JARID2: variants seen among roughly 807,000 people sequenced by gnomAD.
JARID2 encodes jumonji and AT-rich interaction domain containing 2.
Under a neutral mutation model 125.6 loss-of-function variants are expected in JARID2, and 21 were observed. The ratio of observed to expected loss-of-function variants is 0.17; its 90% CI spans 0.12 to 0.24. The LOEUF (loss-of-function observed/expected upper bound fraction) is 0.24. Among genes scored for constraint, JARID2 ranks in the 10% least tolerant of loss-of-function variants. The pLI is 1.00. For missense variants in JARID2, 1,303 were observed against 1,639.6 expected, an observed-to-expected ratio of 0.79 and a Z score of 3.55; for synonymous variants, 736 against 661.6, an observed-to-expected ratio of 1.11 and a Z score of -1.73.
rs79589261 is a variant in JARID2, at chr6:15,457,231, G to T, written c.493+5056G>T. Among the ~76,000 whole-genome samples the T allele has an allele frequency of 7.2e-3, 1,097 of 152,276 alleles. 12 individuals carry two copies. Among genetic ancestry groups the T allele is most frequent in the African/African-American group, 0.025 (1,043 of 41,560 alleles). The stretch of plus-strand genomic sequence containing the variant: ...CTAATTCCTGATGCACATTTAGAGA[G>T]ATTTCCACCTTTTTGATATCCACTG... On this transcript the variant is annotated intron_variant, in intron 4 of 17. Transcript: ENST00000341776.
intron 1 of JARID2, among the ~76,000 whole-genome samples, chr6:15,270,017 T>A (rs1760236021): frequency 6.6e-6 from 1 of 152,226 alleles, no homozygotes; most frequent in African/African-American, 2.4e-5. Context: ...AAGGGTTGTA[T>A]ACAAAGGGAA....
At chr6:15,331,402 G>C (rs1216708514) in intron 1 of JARID2, among the ~76,000 whole-genome samples, 2 of 152,046 alleles carry the variant, frequency 1.3e-5, no homozygotes, top group African/African-American at 2.4e-5. Context: ...AAGGAAAACA[G>C]AAAGAGTGCC....
At chr6:15,287,734 G>C (rs1761056968) in intron 1 of JARID2, among the ~76,000 whole-genome samples, 1 of 152,152 alleles carries the variant, frequency 6.6e-6, no homozygotes, top group African/African-American at 2.4e-5. Context: ...CTTGGCCTTA[G>C]CTTCGGTGTC....
In JARID2 at chr6:15,512,192, G is replaced by C. The variant is rs1264755553; in HGVS notation, c.2953-16G>C. On this transcript the variant is annotated splice_polypyrimidine_tract_variant and intron_variant, in intron 13 of 17. Transcript: ENST00000341776. ...CGCACAGGGAGGGGTGCCTCAGCCT[G>C]GCCCTGTCTCCCCAGATCTCCCCGG... 16 of 1,610,620 alleles carry C rather than the reference G, an allele frequency of 9.9e-6. No individual in the cohort carries two copies. In the Admixed American group the frequency reaches 2.7e-4, roughly 27 times the overall value.
chr6:15,383,193 G>A (rs922039435), intron 2 of JARID2, among the ~76,000 whole-genome samples: 4 of 151,900 alleles, frequency 2.6e-5, no homozygotes, highest in African/African-American at 9.7e-5. Flanking sequence ...TTTGAAACAG[G>A]GTCTTGCATG....
chr6:15,465,383 C>T (rs1442732422), intron 4 of JARID2, among the ~76,000 whole-genome samples: 7 of 152,130 alleles, frequency 4.6e-5, no homozygotes, highest in Admixed American at 3.9e-4. Context: ...GCCAGGAGGT[C>T]GAGGCTGTAG....
rs775747422 is a variant in JARID2 at position 15,496,305 on chromosome 6, C to A, written c.1080C>A (p.Thr360=). 8.1e-6 allele frequency: 13 copies of A among 1,614,064 alleles called. No individual in the cohort carries two copies. The Admixed American group carries it at 1.3e-4, about 17-fold the overall frequency. Residue 360 remains threonine, a synonymous_variant, in exon 7 of 18, where the codon ACC becomes ACA. Transcript: ENST00000341776. ...CCAAGAGAGAACTGGTCAAGGACAC[C>A]AAACCCAATCACCACAAGCCCAGTT... ...TKAKRELVKD[T]KPNHHKPSSA... is the part of the protein sequence containing the mutation.
chr6:15,379,849 C>CAGACCTCCCATGCTTTCTGGATT (rs1176497347), intron 2 of JARID2, among the ~76,000 whole-genome samples: 1 of 152,190 alleles, frequency 6.6e-6, no homozygotes, highest in Non-Finnish European at 1.5e-5. Context: ...CCTTTTGGAT[C>CAGACCTCCCATGCTTTCTGGATT]AGACCTCCCA....
chr6:15,443,732 G>T lies in JARID2; in HGVS notation c.324-8274G>T, dbSNP rs1767544007. On this transcript the variant is annotated intron_variant, in intron 3 of 17. Coordinates refer to ENST00000341776, the MANE Select transcript of JARID2 (RefSeq NM_004973.4). ...CTTGTTTTTTTAAGAGGAGGTCAAA[G>T]ATCACAGAAGCTTGGAGCTAGAGAG... Among the ~76,000 whole-genome samples the T allele has an allele frequency of 2.0e-5, 3 of 152,150 alleles. 1 individual carries two copies. The highest frequency in any genetic ancestry group is 4.8e-5 in the African/African-American group (2 of 41,532).
At chr6:15,403,913 G>C (rs1475040178) in intron 2 of JARID2, among the ~76,000 whole-genome samples, 1 of 152,132 alleles carries the variant, frequency 6.6e-6, no homozygotes. Flanking sequence ...GTGATGGGTG[G>C]GGGTGTTTTT....
intron 3 of JARID2, among the ~76,000 whole-genome samples, chr6:15,415,674 G>A (rs1405121213): frequency 6.8e-6 from 1 of 146,064 alleles, no homozygotes; most frequent in African/African-American, 2.6e-5. Flanking sequence ...CCCGGACGGG[G>A]TGGCTGGCCG....
intron 1 of JARID2, among the ~76,000 whole-genome samples, chr6:15,340,187 A>G (rs1277671080): frequency 1.3e-5 from 2 of 152,182 alleles, no homozygotes; most frequent in Non-Finnish European, 2.9e-5. Flanking sequence ...GGCTGTGTCT[A>G]TAAAGTTATT....
intron 1 of JARID2, among the ~76,000 whole-genome samples, chr6:15,327,868 G>A (rs1228518476): frequency 6.6e-6 from 1 of 152,098 alleles, no homozygotes; most frequent in Non-Finnish European, 1.5e-5. Context: ...TTTGTGAAGC[G>A]TTTTTCATCC....
At chr6:15,517,977 G>A (rs1158667673) in intron 17 of JARID2, among the ~76,000 whole-genome samples, 2 of 152,250 alleles carry the variant, frequency 1.3e-5, no homozygotes, top group African/African-American at 4.8e-5. Flanking sequence ...GGGGCCTGGT[G>A]TGTCTGGGGG....
At chr6:15,416,443 C>A (rs1033024684) in intron 3 of JARID2, among the ~76,000 whole-genome samples, 1 of 152,166 alleles carries the variant, frequency 6.6e-6, no homozygotes. Context: ...CCCGGCACCT[C>A]GGGAGGCCGA....
intron 4 of JARID2, among the ~76,000 whole-genome samples, chr6:15,459,382 G>A (rs1209020667): frequency 6.6e-6 from 1 of 152,164 alleles, no homozygotes; most frequent in Non-Finnish European, 1.5e-5. Flanking sequence ...TGTAAATGCT[G>A]TGTAAATTTG....
chr6:15,513,336 G>A lies in JARID2; in HGVS notation c.3364G>A (p.Gly1122Arg), dbSNP rs201950093. 2.9e-5 allele frequency: 47 copies of A among 1,613,042 alleles called. No individual in the cohort carries two copies. The highest frequency in any genetic ancestry group is 1.6e-4 in the Middle Eastern group (1 of 6,080). Residue 1122 changes from glycine (G) to arginine (R), a missense_variant, in exon 16 of 18, where the codon GGG (glycine) becomes AGG (arginine). Coordinates refer to ENST00000341776, the MANE Select transcript of JARID2 (RefSeq NM_004973.4). ...CGATGGCAGCAGCACGGTGGCGGACGGGAAGAAAAAGCCTCGAAAGTGGCT... is the reference window on the plus strand; with the variant it reads ...CGATGGCAGCAGCACGGTGGCGGACAGGAAGAAAAAGCCTCGAAAGTGGCT... Reference protein sequence around the residue: ...SHDGSSTVADGKKKPRKWLQL... With the variant: ...SHDGSSTVADRKKKPRKWLQL...
At chr6:15,356,387 C>T (rs573564515) in intron 1 of JARID2, among the ~76,000 whole-genome samples, 1 of 152,244 alleles carries the variant, frequency 6.6e-6, no homozygotes, top group Non-Finnish European at 1.5e-5. Context: ...TGAGGTTTCC[C>T]GTTTCTTCAT....
intron 2 of JARID2, among the ~76,000 whole-genome samples, chr6:15,406,779 T>C (rs944105272): frequency 6.6e-6 from 1 of 152,198 alleles, no homozygotes; most frequent in African/African-American, 2.4e-5. Flanking sequence ...ACTTAAGCAA[T>C]TGATTTGCAG....
Sources: allele counts gnomAD v4.1 joint callset (sites outside exome capture counted in the v4.1 genomes callset), GRCh38; gene constraint gnomAD v4.1.1; transcripts MANE v1.5; gene names NCBI Gene and HGNC (gene_info 2026-07-23, HGNC 2026-07-21).